Variants in MARCHF4 observed in about 807,000 individuals in gnomAD.
MARCHF4 encodes E3 ubiquitin-protein ligase MARCHF4.
MARCHF4 carries 14 observed loss-of-function variants against 43.9 expected under a neutral mutation model. That is an observed-to-expected ratio of 0.32 (90% CI 0.21 to 0.50). MARCHF4 has a LOEUF of 0.50. Ranked by LOEUF, MARCHF4 falls within the 20% of genes least tolerant of loss-of-function variation. The pLI, the probability that MARCHF4 is intolerant of heterozygous loss-of-function variation, is 0.98. For missense variants in MARCHF4, 468 were observed against 536.7 expected (o/e 0.87, Z 1.27); for synonymous variants, 226 against 213.3 (o/e 1.06, Z -0.52).
At chr2:216,290,951 T>C (rs930900680) in intron 1 of MARCHF4, among the ~76,000 whole-genome samples, 8 of 152,162 alleles carry the variant, frequency 5.3e-5, no homozygotes, top group African/African-American at 1.7e-4. Context: ...GGAGGCGATG[T>C]CACGTAAGTA....
intron 1 of MARCHF4, among the ~76,000 whole-genome samples, chr2:216,313,546 G>A (rs1334222200): frequency 6.6e-6 from 1 of 152,184 alleles, no homozygotes; most frequent in African/African-American, 2.4e-5. Flanking sequence ...GGTCAGTTTT[G>A]AAGGAGCAAA....
At chr2:216,342,002 A>G (rs1489820112) in intron 1 of MARCHF4, among the ~76,000 whole-genome samples, 1 of 152,234 alleles carries the variant, frequency 6.6e-6, no homozygotes, top group Non-Finnish European at 1.5e-5. Flanking sequence ...GGCAACCACT[A>G]TTCAGCAGTG....
chr2:216,317,611 G>A (rs995056894), intron 1 of MARCHF4, among the ~76,000 whole-genome samples: 4 of 151,992 alleles, frequency 2.6e-5, no homozygotes, highest in African/African-American at 9.7e-5. Context: ...ATGGGGTTTC[G>A]CCATGTTGGC....
In MARCHF4 at chr2:216,259,049, G is replaced by C. The variant is rs1690698078; in HGVS notation, c.*263C>G. 3.1e-6 allele frequency: 1 copy of C among 318,486 alleles called. No homozygotes were observed. The highest frequency in any genetic ancestry group is 5.7e-6 in the Non-Finnish European group (1 of 174,952). The allele number at this position is 318,486 out of a possible 1,614,324, so 19.7% of individuals were successfully genotyped here. The stretch of plus-strand genomic sequence containing the variant: ...GCATTGGGGCAGGGTTTTTCTGTTG[G>C]GCCAGGTTCAGCCTGTATTGCACTT... On this transcript the variant is annotated 3_prime_UTR_variant, in exon 4 of 4. Coordinates refer to ENST00000273067, the MANE Select transcript of MARCHF4 (RefSeq NM_020814.3).
intron 1 of MARCHF4, among the ~76,000 whole-genome samples, chr2:216,292,284 A>G (rs900705899): frequency 2.0e-5 from 3 of 152,230 alleles, no homozygotes; most frequent in African/African-American, 7.2e-5. Flanking sequence ...AAGCATAGCA[A>G]CCCATTAAAA....
At chr2:216,335,021 A>C (rs997673437) in intron 1 of MARCHF4, among the ~76,000 whole-genome samples, 1 of 152,270 alleles carries the variant, frequency 6.6e-6, no homozygotes, top group Non-Finnish European at 1.5e-5. Flanking sequence ...ATCATAGATG[A>C]TTTATATGTT....
intron 1 of MARCHF4, among the ~76,000 whole-genome samples, chr2:216,289,805 A>G (rs1230814288): frequency 6.6e-6 from 1 of 152,212 alleles, no homozygotes; most frequent in African/African-American, 2.4e-5. Context: ...GAGAGAATAG[A>G]AAAAGGAGAC....
intron 1 of MARCHF4, among the ~76,000 whole-genome samples, chr2:216,314,941 C>T (rs543644858): frequency 2.2e-4 from 34 of 152,238 alleles, no homozygotes; most frequent in South Asian, 1.9e-3. Flanking sequence ...AAGCTGGAAC[C>T]ACAGTAGTCA....
rs189068719 is a variant in MARCHF4, at chr2:216,355,343, G to A, written c.516+14402C>T. ...AAACTTTCAAGCACATATAAAAGTA[G>A]AGAGAAAATCAGAATAAACCCCCCA... On this transcript the variant is annotated intron_variant, in intron 1 of 3. Transcript: ENST00000273067. Among the ~76,000 whole-genome samples the A allele has an allele frequency of 2.3e-4, 35 of 152,220 alleles. No individual in the cohort carries two copies. In the South Asian group the frequency reaches 2.7e-3, roughly 12 times the overall value.
chr2:216,359,417 G>A (rs1331895274), intron 1 of MARCHF4, among the ~76,000 whole-genome samples: 1 of 152,048 alleles, frequency 6.6e-6, no homozygotes, highest in African/African-American at 2.4e-5. Context: ...CTGTAGAAAG[G>A]CAATTACAGC....
intron 3 of MARCHF4, among the ~76,000 whole-genome samples, chr2:216,272,288 T>C (rs1192785021): frequency 6.6e-6 from 1 of 152,174 alleles, no homozygotes; most frequent in African/African-American, 2.4e-5. Flanking sequence ...CATCTCAATT[T>C]CTCAGGCTTC....
chr2:216,362,024 G>T (rs1023596642), intron 1 of MARCHF4, among the ~76,000 whole-genome samples: 12 of 152,154 alleles, frequency 7.9e-5, no homozygotes, highest in Admixed American at 4.6e-4. Context: ...TAAATAAGTT[G>T]CCCAAGACCA....
chr2:216,325,372 T>G (rs1227548250), intron 1 of MARCHF4, among the ~76,000 whole-genome samples: 2 of 152,174 alleles, frequency 1.3e-5, no homozygotes, highest in Non-Finnish European at 2.9e-5. Flanking sequence ...ATCAATATTG[T>G]GAAAATGGCC....
intron 2 of MARCHF4, among the ~76,000 whole-genome samples, chr2:216,283,054 T>C (rs914738835): frequency 6.6e-6 from 1 of 152,168 alleles, no homozygotes; most frequent in African/African-American, 2.4e-5. Flanking sequence ...ACATGCACAT[T>C]GATGTATGAG....
At position 216,371,150 on chromosome 2, in the gene MARCHF4, G is replaced by A. The variant is rs1038351111; in HGVS notation, c.-890C>T. The stretch of plus-strand genomic sequence containing the variant: ...ACCCTTGCAGAGGCGCCTCCTTCCT[G>A]AGCATGAAGATCCTGGCTAGAGGAA... On this transcript the variant is annotated 5_prime_UTR_variant, in exon 1 of 4. Coordinates refer to ENST00000273067, the MANE Select transcript of MARCHF4 (RefSeq NM_020814.3). The A allele has an allele frequency of 6.6e-6, 1 of 152,526 alleles. No individual in the cohort carries two copies. The highest frequency in any genetic ancestry group is 2.1e-4 in the South Asian group (1 of 4,834). 9.4% of individuals were successfully genotyped at this position (152,526 alleles called of 1,614,324 possible). A position where few individuals can be genotyped will look rare whatever the true frequency, so the allele number is the denominator to read the frequency against.
intron 1 of MARCHF4, among the ~76,000 whole-genome samples, chr2:216,289,235 C>CA (rs939876819): frequency 6.8e-5 from 8 of 118,392 alleles, no homozygotes; most frequent in Non-Finnish European, 1.2e-4. Context: ...TCTTCCCCAC[C>CA]CGCCCCCCAC....
intron 3 of MARCHF4, among the ~76,000 whole-genome samples, chr2:216,270,974 A>C (rs1690925560): frequency 6.6e-6 from 1 of 152,182 alleles, no homozygotes; most frequent in Non-Finnish European, 1.5e-5. Flanking sequence ...CCTCTGACCC[A>C]TTCTCTCCAT....
intron 2 of MARCHF4, among the ~76,000 whole-genome samples, chr2:216,280,811 A>G (rs932710909): frequency 6.6e-6 from 1 of 152,198 alleles, no homozygotes; most frequent in Non-Finnish European, 1.5e-5. Context: ...CCAGGACTAA[A>G]TTATACAATA....
chr2:216,311,750 T>C (rs555665396), intron 1 of MARCHF4, among the ~76,000 whole-genome samples: 1 of 152,320 alleles, frequency 6.6e-6, no homozygotes, highest in South Asian at 2.1e-4. Flanking sequence ...TCTGTAAGGT[T>C]CTTGCATCTT....
Sources: allele counts gnomAD v4.1 joint callset (sites outside exome capture counted in the v4.1 genomes callset), GRCh38; gene constraint gnomAD v4.1.1; transcripts MANE v1.5; gene names NCBI Gene and HGNC (gene_info 2026-07-23, HGNC 2026-07-21).